The following FBLN7 variants were observed in gnomAD, a reference collection of about 807,000 sequenced individuals.
FBLN7 encodes the protein fibulin-7.
A neutral mutation model predicts 44.0 loss-of-function variants in FBLN7; 31 were observed. The ratio of observed to expected loss-of-function variants is 0.70; its 90% CI spans 0.53 to 0.95. The LOEUF is 0.95. Among genes scored for constraint, FBLN7 ranks in the 40% least tolerant of loss-of-function variants. The pLI is 0.00. For missense variants in FBLN7, 573 were observed against 618.5 expected (o/e 0.93, Z 0.78); for synonymous variants, 262 against 253.4 (o/e 1.03, Z -0.32).
chr2:112,154,304 T>C (rs1229660304), intron 1 of FBLN7, among the ~76,000 whole-genome samples: 1 of 152,206 alleles, frequency 6.6e-6, no homozygotes, highest in Non-Finnish European at 1.5e-5. Context: ...GATGAAAATT[T>C]ATACCATTTG....
intron 1 of FBLN7, among the ~76,000 whole-genome samples, chr2:112,158,424 A>ATTATTTTATT (rs529220481): frequency 6.6e-6 from 1 of 151,052 alleles, no homozygotes; most frequent in Non-Finnish European, 1.5e-5. Context: ...TTTGTTTTTA[A>ATTATTTTATT]TTATTTTATT....
the FBLN7 span, among the ~76,000 whole-genome samples, chr2:112,242,606 T>C: frequency 1.3e-5 from 2 of 152,192 alleles, no homozygotes; most frequent in African/African-American, 4.8e-5. Context: ...GCGCAGTGAA[T>C]TGTGGATTAT....
chr2:112,230,014 G>T, the FBLN7 span, among the ~76,000 whole-genome samples: 2 of 148,562 alleles, frequency 1.3e-5, no homozygotes, highest in Non-Finnish European at 3.0e-5. Flanking sequence ...ACCTCACAAA[G>T]AATTATATAA....
At chr2:112,185,390 T>C in intron 7 of FBLN7, 51 bp downstream of exon 7, 1 of 1,588,944 alleles carries the variant, frequency 6.3e-7, no homozygotes, top group South Asian at 1.1e-5. Flanking sequence ...CAAGTGTGGC[T>C]GGGCTGGATG....
chr2:112,238,625 G>T, the FBLN7 span: 1 of 944,468 alleles, frequency 1.1e-6, no homozygotes, highest in Non-Finnish European at 1.6e-6. Context: ...ACTGGTCATT[G>T]TTGAAGGTGG....
chr2:112,170,070 G>A (rs1262321095), intron 3 of FBLN7, among the ~76,000 whole-genome samples: 11 of 150,814 alleles, frequency 7.3e-5, no homozygotes, highest in Admixed American at 2.6e-4. Flanking sequence ...GTGAAACCCC[G>A]TCTCTAATAA....
the FBLN7 span, among the ~76,000 whole-genome samples, chr2:112,231,657 G>T: frequency 1.3e-5 from 2 of 152,040 alleles, no homozygotes; most frequent in African/African-American, 4.8e-5. Context: ...CTTCCTTTCA[G>T]CTACAAGGAA....
chr2:112,198,683 C>A, the FBLN7 span, among the ~76,000 whole-genome samples: 1 of 151,856 alleles, frequency 6.6e-6, no homozygotes, highest in Non-Finnish European at 1.5e-5. Context: ...CAGAGTGTGT[C>A]TGCTACCTTT....
chr2:112,152,245 C>T (rs1016163465), intron 1 of FBLN7: 3 of 152,258 alleles, frequency 2.0e-5, no homozygotes, highest in African/African-American at 7.2e-5. Context: ...GGCTTCCGCC[C>T]CTGCCAAGTG....
chr2:112,142,280 A>G (rs987720810), intron 1 of FBLN7, among the ~76,000 whole-genome samples: 1 of 152,092 alleles, frequency 6.6e-6, no homozygotes, highest in Non-Finnish European at 1.5e-5. Context: ...TCTCTACTCT[A>G]AACAAGTCCT....
chr2:112,232,314 C>CAAAAAAAAAAAAAAAAAA, the FBLN7 span, among the ~76,000 whole-genome samples: 1 of 71,624 alleles, frequency 1.4e-5, no homozygotes, highest in Non-Finnish European at 2.5e-5. Flanking sequence ...GATAATGTCT[C>CAAAAAAAAAAAAAAAAAA]AAAAAAAAAA....
At chr2:112,188,325 C>T (rs1260154571), downstream of FBLN7, 1 of 152,224 alleles carries the variant, frequency 6.6e-6, no homozygotes, top group East Asian at 1.9e-4. Flanking sequence ...AGTCAGAGAA[C>T]ACAGAGGTGA....
chr2:112,231,352 A>T, the FBLN7 span, among the ~76,000 whole-genome samples: 1 of 152,194 alleles, frequency 6.6e-6, no homozygotes, highest in Non-Finnish European at 1.5e-5. Flanking sequence ...GACTAGCTCC[A>T]ACTAACATGA....
At position 112,188,180 on chromosome 2, in the gene FBLN7, A is replaced by C. The variant is rs1196003689; in HGVS notation, c.*674A>C. 1 of 152,194 alleles carries C rather than the reference A, an allele frequency of 6.6e-6. No individual in the cohort carries two copies. The highest frequency in any genetic ancestry group is 1.5e-5 in the Non-Finnish European group (1 of 68,056). 9.4% of individuals were successfully genotyped at this position (152,194 alleles called of 1,614,324 possible). A position where few individuals can be genotyped will look rare whatever the true frequency, so the allele number is the denominator to read the frequency against. ...CATATCTCAAATACATAACCTGGTA[A>C]TATAACTGAAAAAATAAAAGTGATT... On this transcript the variant is annotated 3_prime_UTR_variant, in exon 8 of 8. Coordinates refer to ENST00000331203, the MANE Select transcript of FBLN7 (RefSeq NM_153214.3).
chr2:112,220,625 C>G, the FBLN7 span, among the ~76,000 whole-genome samples: 1 of 152,050 alleles, frequency 6.6e-6, no homozygotes, highest in African/African-American at 2.4e-5. Flanking sequence ...AGTTCAAGAC[C>G]AGCCTGACCA....
chr2:112,187,750 C>G lies in FBLN7; in HGVS notation c.*244C>G. 2 of 537,876 alleles carry G rather than the reference C, an allele frequency of 3.7e-6. No homozygotes were observed. Among genetic ancestry groups the G allele is most frequent in the Non-Finnish European group, 6.4e-6 (2 of 310,572 alleles). 33.3% of individuals were successfully genotyped at this position (537,876 alleles called of 1,614,324 possible). A position where few individuals can be genotyped will look rare whatever the true frequency, so the allele number is the denominator to read the frequency against. ...TGAGGCCCTTCCCTTAGATTATGCA[C>G]TAACTTTCTTAAAACTTTTTCATCC... is the stretch of plus-strand genomic sequence containing the variant. On this transcript the variant is annotated 3_prime_UTR_variant, in exon 8 of 8. Transcript: ENST00000331203. The surrounding 1 kb of genome is among the most constrained non-coding windows in gnomAD (Gnocchi z 5.1).
At chr2:112,240,973 G>A in the FBLN7 span, among the ~76,000 whole-genome samples, 1 of 144,918 alleles carries the variant, frequency 6.9e-6, no homozygotes, top group Non-Finnish European at 1.5e-5. Context: ...GTGTGTGTGT[G>A]TGTGTGTGTG....
At chr2:112,193,458 C>CA in the FBLN7 span, among the ~76,000 whole-genome samples, 5 of 152,136 alleles carry the variant, frequency 3.3e-5, no homozygotes, top group African/African-American at 1.2e-4. Flanking sequence ...CCAGAAATGG[C>CA]ATAGTATATG....
chr2:112,147,521 C>T (rs890388069), intron 1 of FBLN7, among the ~76,000 whole-genome samples: 5 of 152,180 alleles, frequency 3.3e-5, no homozygotes, highest in Admixed American at 1.3e-4. Context: ...ACAATTGTTT[C>T]CAGGATCTCC....
Sources: gnomAD v4.1 joint callset for allele counts (sites outside exome capture counted in the v4.1 genomes callset) on GRCh38, gnomAD v4.1.1 for gene constraint, Gnocchi (gnomAD v3.1) non-coding constraint, MANE v1.5 for transcripts, NCBI Gene and HGNC (gene_info 2026-07-23, HGNC 2026-07-21) for gene names.